Variants in CDK14 observed in about 807,000 individuals in gnomAD.
CDK14 encodes the protein cyclin-dependent kinase 14.
A neutral mutation model predicts 60.7 loss-of-function variants in CDK14; 34 were observed. That is an observed-to-expected ratio of 0.56 (90% CI 0.43 to 0.75). The LOEUF is 0.75. CDK14 is among the 30% of genes least tolerant of loss of function. The pLI, the probability that CDK14 is intolerant of heterozygous loss-of-function variation, is 0.00. For synonymous variants in CDK14, 197 were observed against 203.7 expected (o/e 0.97, Z 0.28); for missense variants, 482 against 564.1 (o/e 0.85, Z 1.47).
rs1026050749 is a variant in CDK14 at position 90,799,644 on chromosome 7, C to T, written c.544+8992C>T. ...GGCAGAGGTTGTAGTGAGACAAGAT[C>T]GCGCCACTGCGCTCCAGCCTGGGTG... On this transcript the variant is annotated intron_variant, in intron 5 of 14. Transcript: ENST00000380050. Among the ~76,000 whole-genome samples the T allele has an allele frequency of 6.5e-4, 89 of 137,008 alleles. 1 individual carries two copies. Among genetic ancestry groups the T allele is most frequent in the Middle Eastern group, 4.4e-3 (1 of 228 alleles). 89.9% of individuals were successfully genotyped at this position (137,008 alleles called of 152,430 possible).
At chr7:90,932,838 A>G (rs562372151) in intron 8 of CDK14, among the ~76,000 whole-genome samples, 8 of 152,258 alleles carry the variant, frequency 5.3e-5, no homozygotes, top group African/African-American at 1.7e-4. Flanking sequence ...CTGAGCTCAC[A>G]TGGCTGTTGG....
chr7:90,984,846 C>A (rs1041991673), intron 10 of CDK14, among the ~76,000 whole-genome samples: 2 of 152,184 alleles, frequency 1.3e-5, no homozygotes, highest in African/African-American at 2.4e-5. Flanking sequence ...CCAAAACTGA[C>A]AGACATTCTA....
rs10272286 is a variant in CDK14, at chr7:90,709,811, T to G, written c.124-16756T>G. On this transcript the variant is annotated intron_variant, in intron 2 of 14. Transcript: ENST00000380050. ...TGCTTATGCATCCCCCTCTCTTGGTTGTAGTACGGCCGTACCATTTCAGCT... is the reference window on the plus strand; with the variant it reads ...TGCTTATGCATCCCCCTCTCTTGGTGGTAGTACGGCCGTACCATTTCAGCT... 1.8e-4 allele frequency: 260 copies of G among 1,425,466 alleles called. No individual in the cohort carries two copies. The African/African-American group carries it at 3.5e-3, about 19-fold the overall frequency. 88.3% of individuals were successfully genotyped at this position (1,425,466 alleles called of 1,614,324 possible).
intron 5 of CDK14, among the ~76,000 whole-genome samples, chr7:90,846,447 CTGAACATGTT>C: frequency 6.6e-6 from 1 of 152,286 alleles, no homozygotes; most frequent in East Asian, 1.9e-4. Context: ...TGTGCTGTTG[CTGAACATGTT>C]CTTGGCTAGC....
Position 90,997,883 on chromosome 7 carries a change from T to A in CDK14, c.1041+13642T>A, listed in dbSNP as rs77950576. 6.4e-4 allele frequency among the ~76,000 whole-genome samples: 97 copies of A among 152,338 alleles called. 1 individual carries two copies. In the East Asian group the frequency reaches 0.017, roughly 27 times the overall value. ...GCCTGACAGTGGGCTTCAGTGAACTTCTATTTTGAAGAAGTTTGACAAAAT... is the reference window on the plus strand; with the variant it reads ...GCCTGACAGTGGGCTTCAGTGAACTACTATTTTGAAGAAGTTTGACAAAAT... On this transcript the variant is annotated intron_variant, in intron 10 of 14. Coordinates refer to ENST00000380050, the MANE Select transcript of CDK14 (RefSeq NM_001287135.2).
At chr7:90,998,346 G>A (rs1026351045) in intron 10 of CDK14, among the ~76,000 whole-genome samples, 1 of 152,112 alleles carries the variant, frequency 6.6e-6, no homozygotes, top group African/African-American at 2.4e-5. Context: ...TTAAAAAAAG[G>A]ATGTTGTGGA....
At chr7:90,757,209 A>AGTGTGTGTGT (rs56790315) in intron 4 of CDK14, among the ~76,000 whole-genome samples, 1,743 of 119,952 alleles carry the variant, frequency 0.015, 10 homozygotes, top group Non-Finnish European at 0.02. Context: ...GCATTCTTCC[A>AGTGTGTGTGT]GTGTGTGTGT....
intron 2 of CDK14, among the ~76,000 whole-genome samples, chr7:90,659,836 CTT>C (rs1491565937): frequency 9.1e-5 from 7 of 76,870 alleles, no homozygotes; most frequent in African/African-American, 4.3e-4. Context: ...CCAGGGAATG[CTT>C]CTCTCTCTCT....
chr7:90,712,506 T>C (rs1172295698), intron 2 of CDK14, among the ~76,000 whole-genome samples: 2 of 152,094 alleles, frequency 1.3e-5, no homozygotes, highest in Non-Finnish European at 2.9e-5. Context: ...TTGATTTTTA[T>C]ATGGGATAGA....
intron 4 of CDK14, among the ~76,000 whole-genome samples, chr7:90,762,081 G>C (rs893947107): frequency 7.2e-5 from 11 of 152,154 alleles, no homozygotes; most frequent in African/African-American, 2.7e-4. Context: ...GAGGGGTATA[G>C]ATAGTAAATA....
chr7:90,801,254 T>C (rs1020656785), intron 5 of CDK14, among the ~76,000 whole-genome samples: 2 of 152,234 alleles, frequency 1.3e-5, no homozygotes, highest in African/African-American at 4.8e-5. Context: ...GATAACACTC[T>C]TCTTTGTTTT....
intron 5 of CDK14, among the ~76,000 whole-genome samples, chr7:90,798,317 A>G (rs1236607447): frequency 1.3e-5 from 2 of 151,318 alleles, no homozygotes; most frequent in African/African-American, 2.4e-5. Context: ...TGCTGTTTAT[A>G]TCTGGAAGCA....
intron 2 of CDK14, among the ~76,000 whole-genome samples, chr7:90,702,528 T>C (rs773415564): frequency 2.7e-5 from 4 of 150,542 alleles, no homozygotes; most frequent in African/African-American, 4.9e-5. Flanking sequence ...CAGTATTAGC[T>C]TGAAAAGGCA....
chr7:90,824,990 C>T (rs1789674453), intron 5 of CDK14, among the ~76,000 whole-genome samples: 1 of 152,144 alleles, frequency 6.6e-6, no homozygotes, highest in African/African-American at 2.4e-5. Context: ...TTGGCTCAGA[C>T]AAGCAATTAA....
chr7:91,084,171 A>G lies in CDK14; in HGVS notation c.1154+4691A>G, dbSNP rs549236745. Among the ~76,000 whole-genome samples the G allele has an allele frequency of 3.8e-4, 58 of 152,336 alleles. 2 individuals carry two copies. The South Asian group carries it at 0.012, about 32-fold the overall frequency. On this transcript the variant is annotated intron_variant, in intron 12 of 14. Transcript: ENST00000380050. ...GAATATATGTACTCCAGTGAATCTT[A>G]TGAAGGGAATATTATCCATTTTAAA...
chr7:90,698,487 G>A (rs1801712391), intron 2 of CDK14, among the ~76,000 whole-genome samples: 1 of 152,140 alleles, frequency 6.6e-6, no homozygotes, highest in South Asian at 2.1e-4. Context: ...TGCATCATGG[G>A]TGAGTCACCA....
In CDK14 at chr7:90,814,291, T is replaced by A. The variant is rs10229306; in HGVS notation, c.544+23639T>A. 2.7e-3 allele frequency among the ~76,000 whole-genome samples: 410 copies of A among 152,198 alleles called. 3 individuals carry two copies. Among genetic ancestry groups the A allele is most frequent in the African/African-American group, 9.5e-3 (396 of 41,526 alleles). On this transcript the variant is annotated intron_variant, in intron 5 of 14. Transcript: ENST00000380050. Reference sequence around the variant, plus strand: ...GGCCCTTGAGTAAGTACTCTTACAGTCGGAAGGAAAGTTTCAGGGGTCTCT... The same window carrying A: ...GGCCCTTGAGTAAGTACTCTTACAGACGGAAGGAAAGTTTCAGGGGTCTCT...
intron 14 of CDK14, among the ~76,000 whole-genome samples, chr7:91,150,931 A>G (rs1800811843): frequency 6.6e-6 from 1 of 152,254 alleles, no homozygotes. Flanking sequence ...TTACTATAAT[A>G]AATACAAGAT....
intron 14 of CDK14, among the ~76,000 whole-genome samples, chr7:91,202,304 C>A (rs1802753799): frequency 6.6e-6 from 1 of 152,164 alleles, no homozygotes; most frequent in East Asian, 1.9e-4. Flanking sequence ...AATCCAATTT[C>A]TTGTTTAAAA....
Sources: gnomAD v4.1 joint callset for allele counts (sites outside exome capture counted in the v4.1 genomes callset) on GRCh38, gnomAD v4.1.1 for gene constraint, MANE v1.5 for transcripts, NCBI Gene and HGNC (gene_info 2026-07-23, HGNC 2026-07-21) for gene names.